NMNAT2: variants seen among roughly 807,000 people sequenced by gnomAD.
The protein encoded by NMNAT2 is nicotinamide nucleotide adenylyltransferase 2, also known as nicotinamide/nicotinic acid mononucleotide adenylyltransferase 2.
NMNAT2 carries 11 observed loss-of-function variants against 41.6 expected under a neutral mutation model. The ratio of observed to expected loss-of-function variants is 0.26; its 90% CI spans 0.17 to 0.44. The LOEUF (loss-of-function observed/expected upper bound fraction) is 0.44. Among genes scored for constraint, NMNAT2 ranks in the 20% least tolerant of loss-of-function variants. NMNAT2 has a pLI of 1.00. For missense variants in NMNAT2, 288 were observed against 407.7 expected (o/e 0.71, Z 2.53); for synonymous variants, 148 against 151.2 (o/e 0.98, Z 0.16).
chr1:183,265,226 C>T (rs899444114), intron 8 of NMNAT2, among the ~76,000 whole-genome samples: 2 of 147,222 alleles, frequency 1.4e-5, no homozygotes, highest in South Asian at 4.3e-4. Flanking sequence ...ATAACCTTTT[C>T]CATAAATAGA....
chr1:183,318,622 T>C (rs908183281), intron 1 of NMNAT2, among the ~76,000 whole-genome samples: 1 of 152,156 alleles, frequency 6.6e-6, no homozygotes, highest in Non-Finnish European at 1.5e-5. Context: ...GACAGAATCA[T>C]TGCACAACCC....
chr1:183,368,998 CG>C (rs1326879273), intron 1 of NMNAT2, among the ~76,000 whole-genome samples: 1 of 152,132 alleles, frequency 6.6e-6, no homozygotes, highest in Non-Finnish European at 1.5e-5. Context: ...TGCCTAATCA[CG>C]GGCATGGGGA....
chr1:183,392,621 A>G (rs1571635466), intron 1 of NMNAT2, among the ~76,000 whole-genome samples: 1 of 152,282 alleles, frequency 6.6e-6, no homozygotes, highest in East Asian at 1.9e-4. Flanking sequence ...CTATGTCTCT[A>G]ATCCCATCTA....
At chr1:183,293,844 A>C in intron 1 of NMNAT2, 51 bp from the exon 2 acceptor site, 2 of 1,321,778 alleles carry the variant, frequency 1.5e-6, no homozygotes, top group Non-Finnish European at 2.2e-6. Context: ...GCATGGATTA[A>C]AGGTGATAAT....
intron 1 of NMNAT2, among the ~76,000 whole-genome samples, chr1:183,413,602 C>CTTTTTTTTTT (rs71130613): frequency 1.3e-4 from 11 of 82,526 alleles, no homozygotes; most frequent in African/African-American, 4.2e-4. Context: ...TCTTTTCTTT[C>CTTTTTTTTTT]TTTTTTTTTT....
intron 1 of NMNAT2, among the ~76,000 whole-genome samples, chr1:183,384,748 T>C (rs1648144888): frequency 1.3e-5 from 2 of 152,240 alleles, no homozygotes; most frequent in African/African-American, 2.4e-5. Context: ...TTAGAGGTGT[T>C]AATATTCCCA....
rs117544699 is a variant in NMNAT2 at position 183,334,806 on chromosome 1, G to A, written c.86-41013C>T. 1.7e-3 allele frequency among the ~76,000 whole-genome samples: 264 copies of A among 152,266 alleles called. 9 individuals are homozygous for A. In the East Asian group the frequency reaches 0.048, roughly 28 times the overall value. On this transcript the variant is annotated intron_variant, in intron 1 of 10. Coordinates refer to ENST00000287713, the MANE Select transcript of NMNAT2 (RefSeq NM_015039.4). ...ATTACAGGCATGAGCCACCGCACCTGGCCCAAGGCCACCCATTCTTCAGGT... is the reference window on the plus strand; with the variant it reads ...ATTACAGGCATGAGCCACCGCACCTAGCCCAAGGCCACCCATTCTTCAGGT...
In NMNAT2 at chr1:183,389,808, GAAA is replaced by G. The variant is rs1557897660; in HGVS notation, c.85+28372_85+28374del. Among the ~76,000 whole-genome samples, 141 of 61,582 alleles carry G rather than the reference GAAA, an allele frequency of 2.3e-3. 12 individuals are homozygous for G. The highest frequency in any genetic ancestry group is 2.4e-3 in the Non-Finnish European group (75 of 30,778). The allele number at this position is 61,582 out of a possible 152,430, so 40.4% of individuals were successfully genotyped here. ...AGAAAGAAAGAAAGAAAGAAAGAAA[GAAA>G]GAAAGAAAGAAAGAAAGAAAGAAAG... On this transcript the variant is annotated intron_variant, in intron 1 of 10. Coordinates refer to ENST00000287713, the MANE Select transcript of NMNAT2 (RefSeq NM_015039.4).
At chr1:183,410,583 C>T (rs372280594) in intron 1 of NMNAT2, among the ~76,000 whole-genome samples, 3 of 152,020 alleles carry the variant, frequency 2.0e-5, no homozygotes, top group Non-Finnish European at 4.4e-5. Flanking sequence ...CTGCTTGGCA[C>T]TGCCCCCCTT....
intron 7 of NMNAT2, 60 bp downstream of exon 7, chr1:183,283,935 G>A (rs764231410): frequency 1.3e-6 from 2 of 1,537,662 alleles, no homozygotes; most frequent in Non-Finnish European, 1.8e-6. Flanking sequence ...CATGTTGCCT[G>A]TCGTGAAGGC....
At chr1:183,317,772 A>G (rs1387848824) in intron 1 of NMNAT2, among the ~76,000 whole-genome samples, 2 of 152,182 alleles carry the variant, frequency 1.3e-5, no homozygotes, top group Non-Finnish European at 2.9e-5. Context: ...ACCCCCACCC[A>G]AGTCTATTAA....
chr1:183,334,832 C>T (rs554610899), intron 1 of NMNAT2, among the ~76,000 whole-genome samples: 81 of 152,262 alleles, frequency 5.3e-4, no homozygotes, highest in African/African-American at 1.9e-3. Context: ...TTCTTCAGGT[C>T]GTGACCCAAA....
chr1:183,256,723 C>A (rs2102275894), intron 10 of NMNAT2, among the ~76,000 whole-genome samples: 1 of 152,248 alleles, frequency 6.6e-6, no homozygotes, highest in Non-Finnish European at 1.5e-5. Flanking sequence ...AGGACTTTTA[C>A]ATCAATGCTC....
At chr1:183,346,667 A>G (rs976952165) in intron 1 of NMNAT2, among the ~76,000 whole-genome samples, 3 of 152,116 alleles carry the variant, frequency 2.0e-5, no homozygotes, top group Non-Finnish European at 2.9e-5. Context: ...GAAACGACCA[A>G]CCTTCTTTTT....
At chr1:183,368,798 A>G (rs542349) in intron 1 of NMNAT2, among the ~76,000 whole-genome samples, 107,551 of 152,118 alleles carry the variant, frequency 0.71, 38,159 homozygotes, top group East Asian at 0.9. Context: ...TCCCCAGTAG[A>G]TTCATAGTTC....
chr1:183,306,858 G>A (rs940841614), intron 1 of NMNAT2, among the ~76,000 whole-genome samples: 7 of 152,064 alleles, frequency 4.6e-5, no homozygotes, highest in Admixed American at 6.6e-5. Flanking sequence ...ACTCAATTGC[G>A]CTGGCTGCCA....
chr1:183,332,684 T>G (rs1040029427), intron 1 of NMNAT2, among the ~76,000 whole-genome samples: 1 of 151,992 alleles, frequency 6.6e-6, no homozygotes, highest in Non-Finnish European at 1.5e-5. Flanking sequence ...TCAGTCTGAC[T>G]GGCAACATGC....
chr1:183,308,844 T>G (rs1052563377), intron 1 of NMNAT2, among the ~76,000 whole-genome samples: 3 of 151,672 alleles, frequency 2.0e-5, no homozygotes, highest in African/African-American at 4.8e-5. Context: ...CATACGACAG[T>G]GAGGAGGAAA....
chr1:183,393,455 T>C (rs897606200), intron 1 of NMNAT2, among the ~76,000 whole-genome samples: 16 of 151,656 alleles, frequency 1.1e-4, no homozygotes, highest in Admixed American at 2.6e-4. Flanking sequence ...TCAAGGACCA[T>C]GGCTGCTACA....
Sources: gnomAD v4.1 joint callset for allele counts (sites outside exome capture counted in the v4.1 genomes callset) on GRCh38, gnomAD v4.1.1 for gene constraint, MANE v1.5 for transcripts, NCBI Gene and HGNC (gene_info 2026-07-23, HGNC 2026-07-21) for gene names.